The following FNDC3A variants were observed in gnomAD, a reference collection of about 807,000 sequenced individuals.
FNDC3A encodes fibronectin type III domain containing 3A.
Under a neutral mutation model 148.9 loss-of-function variants are expected in FNDC3A, and 32 were observed. That is an observed-to-expected ratio of 0.21 (90% CI 0.16 to 0.29). The LOEUF (loss-of-function observed/expected upper bound fraction) is 0.29, where lower values mean the gene tolerates loss of function less well. FNDC3A is among the 10% of genes least tolerant of loss of function. FNDC3A has a pLI of 1.00. For missense variants in FNDC3A, 1,191 were observed against 1,452.8 expected, an observed-to-expected ratio of 0.82 and a Z score of 2.93; for synonymous variants, 472 against 473.6, an observed-to-expected ratio of 1.00 and a Z score of 0.04.
At chr13:49,070,742 T>C (rs1010055392) in intron 2 of FNDC3A, among the ~76,000 whole-genome samples, 2 of 152,114 alleles carry the variant, frequency 1.3e-5, no homozygotes, top group Non-Finnish European at 2.9e-5. Context: ...ACGATTCTAT[T>C]CTCTACGTCC....
Position 49,198,405 on chromosome 13 carries a change from A to C in FNDC3A, c.2818A>C (p.Ser940Arg). The C allele has an allele frequency of 6.2e-7, 1 of 1,614,186 alleles. No individual in the cohort carries two copies. Residue 940 changes from serine to arginine, a missense_variant, in exon 23 of 26, where the codon AGC becomes CGC. Physicochemically the swap from Ser to Arg is moderately radical, Grantham distance 110 (BLOSUM62 -1). Coordinates refer to ENST00000492622, the MANE Select transcript of FNDC3A (RefSeq NM_001079673.2). ...ALNSLGAGPF[S>R]HMIKLKTKPL... ...GAATAGCCTTGGAGCTGGTCCTTTC[A>C]GCCATATGATAAAATTAAAAACTAA...
At chr13:49,060,062 C>T (rs766419758) in intron 2 of FNDC3A, among the ~76,000 whole-genome samples, 7 of 152,170 alleles carry the variant, frequency 4.6e-5, no homozygotes, top group Non-Finnish European at 1.0e-4. Context: ...TTGTTAGGCA[C>T]ATAAAATGGT....
At chr13:49,122,821 A>G (rs1340039564) in intron 4 of FNDC3A, among the ~76,000 whole-genome samples, 2 of 152,200 alleles carry the variant, frequency 1.3e-5, no homozygotes, top group East Asian at 1.9e-4. Flanking sequence ...AAGGAGAACT[A>G]CAAACCGCTG....
At chr13:49,176,011 A>G (rs1165906677) in intron 13 of FNDC3A, among the ~76,000 whole-genome samples, 3 of 152,206 alleles carry the variant, frequency 2.0e-5, no homozygotes, top group Non-Finnish European at 4.4e-5. Flanking sequence ...ATTGATTTGC[A>G]TATGCTGAAC....
At chr13:49,131,502 A>G in intron 5 of FNDC3A, 128 bp downstream of exon 5, 1 of 718,448 alleles carries the variant, frequency 1.4e-6, no homozygotes, top group South Asian at 1.6e-5. Flanking sequence ...TTTTTCTTTT[A>G]CTCAAGTACT....
At chr13:49,115,032 CCT>C (rs1457534087) in intron 4 of FNDC3A, among the ~76,000 whole-genome samples, 1 of 152,022 alleles carries the variant, frequency 6.6e-6, no homozygotes, top group East Asian at 1.9e-4. Context: ...TGTAAAGGTG[CCT>C]ACACTGACAT....
At chr13:49,157,605 T>C (rs1883782664) in intron 8 of FNDC3A, among the ~76,000 whole-genome samples, 2 of 151,484 alleles carry the variant, frequency 1.3e-5, no homozygotes, top group South Asian at 4.2e-4. Flanking sequence ...CTCTGCGTTT[T>C]AGAGTTTCCA....
At chr13:49,166,430 G>T (rs954969955) in intron 8 of FNDC3A, among the ~76,000 whole-genome samples, 2 of 152,172 alleles carry the variant, frequency 1.3e-5, no homozygotes, top group African/African-American at 4.8e-5. Context: ...GGGACTGTAG[G>T]GCTTGTGGGC....
chr13:49,132,830 T>G (rs993215310), intron 5 of FNDC3A, among the ~76,000 whole-genome samples: 1 of 152,228 alleles, frequency 6.6e-6, no homozygotes, highest in African/African-American at 2.4e-5. Flanking sequence ...TCTTACCTTG[T>G]TAGTCTCTAG....
intron 2 of FNDC3A, among the ~76,000 whole-genome samples, chr13:49,035,370 G>A (rs1307523221): frequency 6.6e-6 from 1 of 151,830 alleles, no homozygotes; most frequent in Admixed American, 6.6e-5. Context: ...TGTATATGTG[G>A]GATAATACCT....
intron 8 of FNDC3A, among the ~76,000 whole-genome samples, chr13:49,163,136 G>T (rs113985805): frequency 2.0e-5 from 3 of 152,142 alleles, no homozygotes; most frequent in African/African-American, 7.2e-5. Context: ...CTCAAACTCC[G>T]TGCTGGGAGA....
At chr13:49,015,079 C>T (rs1429604101) in intron 2 of FNDC3A, among the ~76,000 whole-genome samples, 22 of 152,228 alleles carry the variant, frequency 1.4e-4, no homozygotes, top group African/African-American at 4.1e-4. Context: ...CTTGGCGATG[C>T]GGTCTCTTTT....
At chr13:48,998,796 TAAG>T (rs1463513477) in intron 1 of FNDC3A, among the ~76,000 whole-genome samples, 3 of 152,288 alleles carry the variant, frequency 2.0e-5, no homozygotes, top group Middle Eastern at 3.4e-3. Context: ...GACCGTTTGC[TAAG>T]AAGATTAGCA....
intron 13 of FNDC3A, among the ~76,000 whole-genome samples, chr13:49,176,715 A>G (rs1250320558): frequency 6.6e-6 from 1 of 152,224 alleles, no homozygotes; most frequent in African/African-American, 2.4e-5. Flanking sequence ...TACAGTAAGT[A>G]TTGCCACAGT....
In FNDC3A at chr13:49,174,333, T is replaced by C. The variant is rs1884915947; in HGVS notation, c.1231-102T>C. Reference sequence around the variant, plus strand: ...GCCTTCTCTTGAGATCCATGACTTTTAGTATACACTTGCTAATATGTAACT... The same window carrying C: ...GCCTTCTCTTGAGATCCATGACTTTCAGTATACACTTGCTAATATGTAACT... On this transcript the variant is annotated intron_variant, in intron 11 of 25. Coordinates refer to ENST00000492622, the MANE Select transcript of FNDC3A (RefSeq NM_001079673.2). 8 of 872,422 alleles carry C rather than the reference T, an allele frequency of 9.2e-6. No homozygotes were observed. In the Admixed American group the frequency reaches 1.3e-4, roughly 14 times the overall value. The allele number at this position is 872,422 out of a possible 1,614,324, so 54.0% of individuals were successfully genotyped here. A position where few individuals can be genotyped will look rare whatever the true frequency, so the allele number is the denominator to read the frequency against.
intron 14 of FNDC3A, among the ~76,000 whole-genome samples, chr13:49,184,007 G>A (rs1031797219): frequency 6.6e-6 from 1 of 152,194 alleles, no homozygotes; most frequent in Admixed American, 6.5e-5. Flanking sequence ...ATAGATTGTG[G>A]TAAGTGCAAT....
In FNDC3A at chr13:49,185,951, G is replaced by A; in HGVS notation, c.1618-13G>A. ...CAAGTGTATTATTTAATGTCTTTCT[G>A]TTCTCATCACAGGTTATTGCTTACA... On this transcript the variant is annotated splice_polypyrimidine_tract_variant and intron_variant, in intron 14 of 25. Coordinates refer to ENST00000492622, the MANE Select transcript of FNDC3A (RefSeq NM_001079673.2). 1 of 1,602,332 alleles carries A rather than the reference G, an allele frequency of 6.2e-7. No homozygotes were observed. The highest frequency in any genetic ancestry group is 8.5e-7 in the Non-Finnish European group (1 of 1,171,196).
At chr13:49,177,683 A>G (rs183049733) in intron 13 of FNDC3A, among the ~76,000 whole-genome samples, 1 of 152,342 alleles carries the variant, frequency 6.6e-6, no homozygotes, top group African/African-American at 2.4e-5. Context: ...TATCCATACA[A>G]TGGAATATTT....
intron 7 of FNDC3A, among the ~76,000 whole-genome samples, chr13:49,143,343 AG>A (rs1882796665): frequency 6.6e-6 from 1 of 151,954 alleles, no homozygotes; most frequent in African/African-American, 2.4e-5. Context: ...AAGCAACAAT[AG>A]TAAGACCCAG....
Sources: allele counts gnomAD v4.1 joint callset (sites outside exome capture counted in the v4.1 genomes callset), GRCh38; gene constraint gnomAD v4.1.1; transcripts MANE v1.5; gene names NCBI Gene and HGNC (gene_info 2026-07-23, HGNC 2026-07-21).